Variants in CFAP54 observed in about 807,000 individuals in gnomAD.
The protein encoded by CFAP54 is cilia- and flagella-associated protein 54.
CFAP54 carries 290 observed loss-of-function variants against 370.4 expected under a neutral mutation model. That is an observed-to-expected ratio of 0.78 (90% confidence interval 0.71 to 0.86). The LOEUF (loss-of-function observed/expected upper bound fraction) is 0.86, where lower values mean the gene tolerates loss of function less well. Among genes scored for constraint, CFAP54 ranks in the 40% least tolerant of loss-of-function variants. The probability of loss-of-function intolerance (pLI) is 0.00; values close to 1 mark genes in which losing one functional copy is unlikely to be tolerated. For synonymous variants in CFAP54, 1,206 were observed against 1,236.5 expected (o/e 0.98, Z 0.52); for missense variants, 3,399 against 3,528.7 (o/e 0.96, Z 0.93).
chr12:96,812,206 T>C (rs1009307875), intron 64 of CFAP54, among the ~76,000 whole-genome samples: 2 of 152,328 alleles, frequency 1.3e-5, no homozygotes, highest in African/African-American at 4.8e-5. Context: ...AAGGATGTTG[T>C]CTGTACTATA....
intron 28 of CFAP54, among the ~76,000 whole-genome samples, chr12:96,624,128 T>A (rs1418949163): frequency 1.3e-5 from 2 of 152,248 alleles, no homozygotes; most frequent in Non-Finnish European, 2.9e-5. Context: ...CTTGAGCCTG[T>A]GTCTTCTGAC....
chr12:96,534,360 T>C, intron 11 of CFAP54, 133 bp downstream of exon 11: 1 of 588,112 alleles, frequency 1.7e-6, no homozygotes, highest in South Asian at 2.5e-5. Flanking sequence ...GTGTGTTTGG[T>C]GATTGCAGGA....
intron 36 of CFAP54, among the ~76,000 whole-genome samples, chr12:96,653,781 C>T (rs974716194): frequency 4.6e-5 from 7 of 150,732 alleles, no homozygotes; most frequent in Admixed American, 2.0e-4. Flanking sequence ...GAGCAGAAAT[C>T]AATTAGATAA....
chr12:96,628,977 G>T (rs1956575039), intron 30 of CFAP54, among the ~76,000 whole-genome samples: 1 of 152,046 alleles, frequency 6.6e-6, no homozygotes, highest in African/African-American at 2.4e-5. Context: ...TGTCAATAAA[G>T]GGACAGTGAG....
At chr12:96,597,007 G>C (rs1191708493) in intron 25 of CFAP54, among the ~76,000 whole-genome samples, 2 of 152,148 alleles carry the variant, frequency 1.3e-5, no homozygotes. Flanking sequence ...TGGTGAAGAT[G>C]TGGGGCAATT....
chr12:96,806,793 C>T (rs779918067), intron 63 of CFAP54, among the ~76,000 whole-genome samples: 2 of 152,048 alleles, frequency 1.3e-5, no homozygotes, highest in African/African-American at 2.4e-5. Context: ...CCCAAAATAA[C>T]ATCCAGCTTC....
rs1455447115 is a variant in CFAP54, at chr12:96,594,403, C to T, written c.3473C>T (p.Ala1158Val). 2.0e-6 allele frequency: 3 copies of T among 1,533,914 alleles called. No homozygotes were observed. The highest frequency in any genetic ancestry group is 2.6e-6 in the Non-Finnish European group (3 of 1,145,308). Residue 1158 changes from alanine (A) to valine (V), a missense_variant, in exon 25 of 68, where the codon GCT (alanine) becomes GTT (valine). By Grantham distance (64) the Ala-to-Val change is moderately conservative (BLOSUM62 0). Coordinates refer to ENST00000524981, the MANE Select transcript of CFAP54 (RefSeq NM_001306084.2). ...QAVTQCYGLL[A>V]PIIYHNIVLV... ...GTGACTCAATGTTATGGACTTCTTG[C>T]TCCCATAATTTATCACAATATTGTT...
At chr12:96,522,664 C>G (rs529351784) in intron 8 of CFAP54, among the ~76,000 whole-genome samples, 151 of 152,332 alleles carry the variant, frequency 9.9e-4, no homozygotes, top group African/African-American at 3.3e-3. Flanking sequence ...CCTCAGGTGG[C>G]TTAAAACAAC....
intron 65 of CFAP54, among the ~76,000 whole-genome samples, chr12:96,820,131 C>T (rs1360492418): frequency 6.6e-6 from 1 of 152,194 alleles, no homozygotes; most frequent in Non-Finnish European, 1.5e-5. Flanking sequence ...ACTCTTGCCT[C>T]ACTCTGCTGA....
At position 96,693,624 on chromosome 12, in the gene CFAP54, A is replaced by G. The variant is rs73379233; in HGVS notation, c.6265-98A>G. 4,401 of 749,920 alleles carry G rather than the reference A, an allele frequency of 5.9e-3. 159 individuals are homozygous for G. In the African/African-American group the frequency reaches 0.069, roughly 12 times the overall value. The allele number at this position is 749,920 out of a possible 1,614,324, so 46.5% of individuals were successfully genotyped here. On this transcript the variant is annotated intron_variant, in intron 44 of 67. Coordinates refer to ENST00000524981, the MANE Select transcript of CFAP54 (RefSeq NM_001306084.2). Reference sequence around the variant, plus strand: ...CCTAGCATGGAAAGCAAATCAGTATATAACATATCCTATATTTAATATTTG... The same window carrying G: ...CCTAGCATGGAAAGCAAATCAGTATGTAACATATCCTATATTTAATATTTG...
chr12:96,746,759 T>C (rs1394447623), intron 55 of CFAP54, among the ~76,000 whole-genome samples: 1 of 152,174 alleles, frequency 6.6e-6, no homozygotes, highest in African/African-American at 2.4e-5. Flanking sequence ...GCTGCATGCT[T>C]TACACCTTTG....
At chr12:96,650,849 A>G (rs1408695511) in intron 35 of CFAP54, among the ~76,000 whole-genome samples, 1 of 152,104 alleles carries the variant, frequency 6.6e-6, no homozygotes, top group African/African-American at 2.4e-5. Flanking sequence ...CTCCAGCTTC[A>G]GGGCCCTGGA....
chr12:96,804,887 A>T (rs959649753), intron 63 of CFAP54, among the ~76,000 whole-genome samples: 1 of 152,156 alleles, frequency 6.6e-6, no homozygotes. Flanking sequence ...GTACTGGTAT[A>T]AAAAATAGAC....
intron 62 of CFAP54, among the ~76,000 whole-genome samples, 181 bp from the exon 63 acceptor site, chr12:96,792,148 C>T (rs1428479149): frequency 6.6e-6 from 1 of 152,152 alleles, no homozygotes; most frequent in Non-Finnish European, 1.5e-5. Context: ...CCGCGCCTGG[C>T]CAGCATATTT....
At chr12:96,715,813 C>T (rs1421316184) in intron 48 of CFAP54, among the ~76,000 whole-genome samples, 1 of 152,022 alleles carries the variant, frequency 6.6e-6, no homozygotes, top group African/African-American at 2.4e-5. Flanking sequence ...TTTTTATTGT[C>T]TTCCCACCCA....
At position 96,580,999 on chromosome 12, in the gene CFAP54, A is replaced by G. The variant is rs1328410004; in HGVS notation, c.2969A>G (p.Tyr990Cys). The change falls in exon 22 of 68, where the codon TAT becomes TGT. Residue 990 changes from tyrosine to cysteine, a missense_variant. Around this residue, in one of 3 missense-constraint regions of CFAP54, gnomAD observed 2,796 missense variants for 2,869.7 expected, o/e 0.97. Coordinates refer to ENST00000524981, the MANE Select transcript of CFAP54 (RefSeq NM_001306084.2). ...NEKYVFAVAA[Y>C]SNNGKLVGGA... ...AAGTATGTATTTGCAGTTGCTGCCTATTCTAACAACGGAAAGCTTGTCGGT... is the reference window on the plus strand; with the variant it reads ...AAGTATGTATTTGCAGTTGCTGCCTGTTCTAACAACGGAAAGCTTGTCGGT... 43 of 1,534,370 alleles carry G rather than the reference A, an allele frequency of 2.8e-5. No homozygotes were observed. The East Asian group carries it at 1.0e-3, about 37-fold the overall frequency.
chr12:96,802,922 T>C (rs990264472), intron 63 of CFAP54, among the ~76,000 whole-genome samples: 2 of 152,116 alleles, frequency 1.3e-5, no homozygotes, highest in African/African-American at 4.8e-5. Context: ...AGTGAGAACA[T>C]GTGGTGTTTG....
intron 39 of CFAP54, among the ~76,000 whole-genome samples, chr12:96,673,138 T>A (rs1231319511): frequency 6.6e-6 from 1 of 152,220 alleles, no homozygotes; most frequent in South Asian, 2.1e-4. Context: ...ACAGTAATAA[T>A]TTATTGAGCT....
At chr12:96,699,808 G>A (rs984777029) in intron 45 of CFAP54, among the ~76,000 whole-genome samples, 163 bp from the exon 46 acceptor site, 2 of 152,204 alleles carry the variant, frequency 1.3e-5, no homozygotes, top group Middle Eastern at 3.4e-3. Context: ...ATAGACACAC[G>A]CATCTCTCTC....
Sources: allele counts gnomAD v4.1 joint callset (sites outside exome capture counted in the v4.1 genomes callset), GRCh38; gene constraint gnomAD v4.1.1; regional missense constraint gnomAD v4.1.1; transcripts MANE v1.5; gene names NCBI Gene and HGNC (gene_info 2026-07-23, HGNC 2026-07-21).